The following SNTG1 variants were observed in gnomAD, a reference collection of about 807,000 sequenced individuals.
SNTG1 encodes gamma-1-syntrophin.
In SNTG1, 39 loss-of-function variants were observed where a neutral mutation model predicts 74.7. The observed-to-expected ratio is 0.52, with a 90% CI of 0.40 to 0.68. The LOEUF is 0.68. Among genes scored for constraint, SNTG1 ranks in the 30% least tolerant of loss-of-function variants. SNTG1 has a pLI of 0.00. For missense variants in SNTG1, 685 were observed against 609.5 expected, an observed-to-expected ratio of 1.12 and a Z score of -1.30; for synonymous variants, 254 against 217.1, an observed-to-expected ratio of 1.17 and a Z score of -1.49.
intron 15 of SNTG1, among the ~76,000 whole-genome samples, chr8:50,678,749 T>C (rs1364907460): frequency 1.3e-5 from 2 of 152,180 alleles, no homozygotes; most frequent in Non-Finnish European, 1.5e-5. Context: ...TTTGGGATTA[T>C]ATCCCATAAC....
chr8:50,733,842 A>G (rs571246346), intron 17 of SNTG1, among the ~76,000 whole-genome samples: 206 of 151,858 alleles, frequency 1.4e-3, no homozygotes, highest in African/African-American at 4.7e-3. Flanking sequence ...ACTATATAGC[A>G]TTATGACTAT....
intron 1 of SNTG1, among the ~76,000 whole-genome samples, chr8:50,088,249 G>T (rs1230042665): frequency 2.0e-5 from 3 of 150,842 alleles, no homozygotes; most frequent in Non-Finnish European, 4.4e-5. Context: ...TTGATGGGAC[G>T]TATTTCAAAA....
At chr8:50,053,865 C>G (rs1440755313) in intron 1 of SNTG1, among the ~76,000 whole-genome samples, 3 of 151,954 alleles carry the variant, frequency 2.0e-5, no homozygotes, top group Non-Finnish European at 4.4e-5. Flanking sequence ...CTCTCATATT[C>G]TAAATCCATA....
At chr8:50,700,476 C>T (rs1454141265) in intron 15 of SNTG1, among the ~76,000 whole-genome samples, 6 of 152,144 alleles carry the variant, frequency 3.9e-5, no homozygotes, top group African/African-American at 1.4e-4. Flanking sequence ...TTCTCCTCCT[C>T]CCACCCATCC....
intron 9 of SNTG1, among the ~76,000 whole-genome samples, chr8:50,526,360 G>C (rs1399283205): frequency 1.3e-5 from 2 of 152,116 alleles, no homozygotes; most frequent in Non-Finnish European, 2.9e-5. Flanking sequence ...ATCACACCAA[G>C]TTATTCCAGC....
chr8:50,625,979 T>C (rs145114455), intron 13 of SNTG1, among the ~76,000 whole-genome samples: 1,638 of 152,264 alleles, frequency 0.011, 35 homozygotes, highest in African/African-American at 0.037. Context: ...GTGGATTTTT[T>C]TACACAGCCA....
At chr8:50,423,795 T>G (rs1425423629) in intron 4 of SNTG1, among the ~76,000 whole-genome samples, 1 of 151,986 alleles carries the variant, frequency 6.6e-6, no homozygotes, top group East Asian at 1.9e-4. Context: ...CTATGGAAAT[T>G]GGCCAAAAAA....
At chr8:50,717,067 T>C (rs1183161533) in intron 17 of SNTG1, among the ~76,000 whole-genome samples, 2 of 152,296 alleles carry the variant, frequency 1.3e-5, no homozygotes, top group African/African-American at 2.4e-5. Context: ...AAGGACATTA[T>C]AGAGCATTGT....
At chr8:49,969,137 T>C (rs894528730) in intron 1 of SNTG1, among the ~76,000 whole-genome samples, 22 of 152,220 alleles carry the variant, frequency 1.4e-4, no homozygotes, top group Non-Finnish European at 2.6e-4. Context: ...TGTGTGCTGC[T>C]TAACTCAAAA....
intron 1 of SNTG1, among the ~76,000 whole-genome samples, chr8:50,019,599 G>A (rs547937970): frequency 5.7e-4 from 86 of 152,102 alleles, no homozygotes; most frequent in African/African-American, 7.9e-4. Flanking sequence ...ATCCATGCAT[G>A]GGTTCTTTCA....
intron 13 of SNTG1, among the ~76,000 whole-genome samples, chr8:50,617,662 T>C (rs868592654): frequency 1.2e-4 from 18 of 152,300 alleles, no homozygotes; most frequent in Non-Finnish European, 2.6e-4. Flanking sequence ...GCAATCCCTG[T>C]CCCTTTTAAG....
At chr8:50,345,484 G>C (rs2091444284) in intron 2 of SNTG1, among the ~76,000 whole-genome samples, 3 of 152,232 alleles carry the variant, frequency 2.0e-5, no homozygotes, top group African/African-American at 7.2e-5. Context: ...TGCCCCATAA[G>C]GTCTTGGCTC....
chr8:50,619,591 C>T (rs183043065), intron 13 of SNTG1, among the ~76,000 whole-genome samples: 44 of 152,004 alleles, frequency 2.9e-4, no homozygotes, highest in Non-Finnish European at 5.6e-4. Flanking sequence ...ATTAGCTGGG[C>T]GTGGTGGCGG....
rs951301847 is a variant in SNTG1, at chr8:50,120,904, G to A, written c.-102-51657G>A. Among the ~76,000 whole-genome samples the A allele has an allele frequency of 3.2e-4, 45 of 141,856 alleles. 5 individuals are homozygous for A. The highest frequency in any genetic ancestry group is 1.1e-3 in the African/African-American group (42 of 39,204). The allele number at this position is 141,856 out of a possible 152,430, so 93.1% of individuals were successfully genotyped here. ...CCGTGGAATGAGTGCAGTTTTGCAG[G>A]ACAACTGATCCTCTCTACATGTCTG... is the stretch of plus-strand genomic sequence containing the variant. On this transcript the variant is annotated intron_variant, in intron 1 of 18. Transcript: ENST00000642720.
At chr8:50,052,013 T>TAGG (rs1345014660) in intron 1 of SNTG1, among the ~76,000 whole-genome samples, 1 of 152,058 alleles carries the variant, frequency 6.6e-6, no homozygotes, top group Non-Finnish European at 1.5e-5. Context: ...AACAATGCTT[T>TAGG]CCTTATCAAA....
At chr8:50,041,454 C>G (rs1818633859) in intron 1 of SNTG1, among the ~76,000 whole-genome samples, 1 of 152,166 alleles carries the variant, frequency 6.6e-6, no homozygotes, top group African/African-American at 2.4e-5. Context: ...GTGTAAATCA[C>G]TGTGAAGCTG....
chr8:50,101,707 C>A (rs1041238213), intron 1 of SNTG1, among the ~76,000 whole-genome samples: 1 of 151,944 alleles, frequency 6.6e-6, no homozygotes, highest in Non-Finnish European at 1.5e-5. Context: ...ATCCCTCCCC[C>A]CTCCTCCCAC....
chr8:50,579,135 G>C (rs577723709), intron 12 of SNTG1, among the ~76,000 whole-genome samples: 2 of 152,146 alleles, frequency 1.3e-5, no homozygotes, highest in African/African-American at 4.8e-5. Flanking sequence ...TAGTGATATG[G>C]ACAATGAAGT....
intron 17 of SNTG1, among the ~76,000 whole-genome samples, chr8:50,743,155 G>A (rs756434391): frequency 3.3e-5 from 5 of 151,054 alleles, no homozygotes; most frequent in Admixed American, 6.6e-5. Context: ...CATTCTGTGA[G>A]GCCAACATTA....
Sources: allele counts gnomAD v4.1 joint callset (sites outside exome capture counted in the v4.1 genomes callset), GRCh38; gene constraint gnomAD v4.1.1; transcripts MANE v1.5; gene names NCBI Gene and HGNC (gene_info 2026-07-23, HGNC 2026-07-21).